Variants in EDA observed in about 807,000 individuals in gnomAD.
EDA encodes ectodysplasin-A.
In EDA, 2 loss-of-function variants were observed where a neutral mutation model predicts 23.6. The ratio of observed to expected loss-of-function variants is 0.08; its 90% confidence interval spans 0.03 to 0.27. EDA has a LOEUF of 0.27. EDA is among the 10% of genes least tolerant of loss of function. The probability of loss-of-function intolerance (pLI) is 1.00; values close to 1 mark genes in which losing one functional copy is unlikely to be tolerated. For missense variants in EDA, 229 were observed against 324.2 expected, an observed-to-expected ratio of 0.71 and a Z score of 2.26; for synonymous variants, 131 against 132.0, an observed-to-expected ratio of 0.99 and a Z score of 0.05.
chrX:69,997,007 G>A (rs1346425291), intron 2 of EDA, among the ~76,000 whole-genome samples: 1 of 111,860 alleles, frequency 8.9e-6, no homozygotes, highest in Non-Finnish European at 1.9e-5. Context: ...TCTCAGGTAT[G>A]TCTTTATCAG....
chrX:69,709,341 A>G (rs2011872061), intron 1 of EDA, among the ~76,000 whole-genome samples: 1 of 111,852 alleles, frequency 8.9e-6, no homozygotes, highest in African/African-American at 3.2e-5. Flanking sequence ...ATCTTGAAGG[A>G]TATGTGGCCT....
intron 1 of EDA, among the ~76,000 whole-genome samples, chrX:69,750,389 A>G (rs1190853072): frequency 1.8e-5 from 2 of 109,533 alleles, no homozygotes; most frequent in African/African-American, 6.7e-5. Context: ...TCCATGGTGT[A>G]TATGTGCCAC....
Position 69,739,272 on chromosome X carries a change from G to A in EDA, c.396+122568G>A, listed in dbSNP as rs183509071. ...TCTTTGGTAAACATTTTATCTTAAA[G>A]TATGTTTTGTTTGACATTAATATTG... On this transcript the variant is annotated intron_variant, in intron 1 of 7. Coordinates refer to ENST00000374552, the MANE Select transcript of EDA (RefSeq NM_001399.5). 8.8e-3 allele frequency among the ~76,000 whole-genome samples: 977 copies of A among 111,015 alleles called. 6 individuals carry two copies. The highest frequency in any genetic ancestry group is 0.015 in the Non-Finnish European group (773 of 52,676).
chrX:69,907,502 G>A (rs937965573), intron 1 of EDA, among the ~76,000 whole-genome samples: 1 of 111,791 alleles, frequency 8.9e-6, no homozygotes, highest in Non-Finnish European at 1.9e-5. Flanking sequence ...TATTTGATAA[G>A]TTCAGATGTG....
intron 1 of EDA, among the ~76,000 whole-genome samples, chrX:69,891,042 C>CA (rs1031175441): frequency 5.6e-4 from 58 of 103,342 alleles, no homozygotes; most frequent in African/African-American, 6.7e-4. Context: ...AACAAATTTA[C>CA]AAAAAAAAAA....
At chrX:69,913,711 C>T (rs1029981375) in intron 1 of EDA, among the ~76,000 whole-genome samples, 1 of 112,470 alleles carries the variant, frequency 8.9e-6, no homozygotes, top group Non-Finnish European at 1.9e-5. Context: ...AGAGGCCTAG[C>T]TTTAAGCCTA....
intron 1 of EDA, chrX:69,620,943 T>G (rs376589102): frequency 1.6e-5 from 6 of 371,087 alleles, no homozygotes; most frequent in African/African-American, 1.6e-4. Context: ...TCAGCTATGC[T>G]TAGGTGAGTA....
At chrX:69,724,622 C>T (rs2012721137) in intron 1 of EDA, among the ~76,000 whole-genome samples, 1 of 111,546 alleles carries the variant, frequency 9.0e-6, no homozygotes, top group Non-Finnish European at 1.9e-5. Flanking sequence ...AACACTTCTC[C>T]CTGTCAGTTT....
chrX:70,008,307 T>C (rs1199747204), intron 2 of EDA, among the ~76,000 whole-genome samples: 1 of 112,271 alleles, frequency 8.9e-6, no homozygotes, highest in Non-Finnish European at 1.9e-5. Context: ...CTCTATCAAA[T>C]TGTGGAAGTG....
At chrX:69,962,194 G>T (rs5936808) in intron 2 of EDA, among the ~76,000 whole-genome samples, 1 of 110,355 alleles carries the variant, frequency 9.1e-6, no homozygotes, top group East Asian at 2.8e-4. Context: ...CCATGTTTCC[G>T]TCCTGGTAAG....
chrX:69,830,335 T>G (rs1381086900), intron 1 of EDA, among the ~76,000 whole-genome samples: 1 of 111,882 alleles, frequency 8.9e-6, no homozygotes, highest in Non-Finnish European at 1.9e-5. Context: ...CTGTGGATTC[T>G]TAGTCCTTTG....
chrX:69,782,782 C>T (rs1484153843), intron 1 of EDA, among the ~76,000 whole-genome samples: 1 of 111,788 alleles, frequency 8.9e-6, no homozygotes, highest in Non-Finnish European at 1.9e-5. Context: ...AATAACTTGA[C>T]AAAGTATCTA....
At chrX:69,981,044 G>A (rs905204846) in intron 2 of EDA, among the ~76,000 whole-genome samples, 1 of 111,667 alleles carries the variant, frequency 9.0e-6, no homozygotes, top group African/African-American at 3.3e-5. Context: ...GGTTGTGGGG[G>A]CATCTGCTCA....
At chrX:69,791,234 A>G (rs908663973) in intron 1 of EDA, among the ~76,000 whole-genome samples, 2 of 112,100 alleles carry the variant, frequency 1.8e-5, no homozygotes, top group East Asian at 5.6e-4. Context: ...TGTAAAGGTA[A>G]TTTGGAAAGG....
chrX:69,952,749 C>T (rs922290684), intron 1 of EDA, among the ~76,000 whole-genome samples: 23 of 111,926 alleles, frequency 2.1e-4, no homozygotes, highest in African/African-American at 7.4e-4. Context: ...CTCAACTCTC[C>T]TCTTCTGGGG....
At chrX:69,803,258 G>A (rs2015736753) in intron 1 of EDA, among the ~76,000 whole-genome samples, 1 of 110,638 alleles carries the variant, frequency 9.0e-6, no homozygotes, top group South Asian at 3.8e-4. Flanking sequence ...TAGAAAAATG[G>A]TTGACATAAC....
chrX:69,698,954 G>A (rs1009214505), intron 1 of EDA, among the ~76,000 whole-genome samples: 3 of 111,424 alleles, frequency 2.7e-5, no homozygotes, highest in Non-Finnish European at 3.8e-5. Context: ...CTACCCACCC[G>A]GAGAAAGTAC....
intron 1 of EDA, among the ~76,000 whole-genome samples, chrX:69,911,583 A>G (rs1240731700): frequency 8.9e-6 from 1 of 111,832 alleles, no homozygotes; most frequent in Non-Finnish European, 1.9e-5. Flanking sequence ...CCTCAGAGAT[A>G]TATTGTGGGT....
chrX:70,006,924 C>A (rs1334939439), intron 2 of EDA, among the ~76,000 whole-genome samples: 1 of 110,519 alleles, frequency 9.0e-6, no homozygotes, highest in African/African-American at 3.3e-5. Flanking sequence ...GATCTATGAT[C>A]CATTTTGAGT....
Sources: gnomAD v4.1 joint callset for allele counts (sites outside exome capture counted in the v4.1 genomes callset) on GRCh38, gnomAD v4.1.1 for gene constraint, MANE v1.5 for transcripts, NCBI Gene and HGNC (gene_info 2026-07-23, HGNC 2026-07-21) for gene names.